Variants in ACTR3 observed in about 807,000 individuals in gnomAD.
ACTR3 encodes actin related protein 3.
Under a neutral mutation model 56.8 loss-of-function variants are expected in ACTR3, and 12 were observed. The ratio of observed to expected loss-of-function variants is 0.21; its 90% CI spans 0.14 to 0.34. The LOEUF (loss-of-function observed/expected upper bound fraction) is 0.34, where lower values mean the gene tolerates loss of function less well. Ranked by LOEUF, ACTR3 falls within the 10% of genes least tolerant of loss-of-function variation. ACTR3 has a pLI of 1.00. For synonymous variants in ACTR3, 162 were observed against 167.4 expected (o/e 0.97, Z 0.25); for missense variants, 282 against 512.5 (o/e 0.55, Z 4.34).
chr2:113,916,003 A>G (rs1679398566), intron 2 of ACTR3, among the ~76,000 whole-genome samples: 1 of 152,158 alleles, frequency 6.6e-6, no homozygotes, highest in South Asian at 2.1e-4. Context: ...TATTTTTAGG[A>G]AATTTATAGT....
At chr2:113,950,625 A>T (rs989690944) in intron 8 of ACTR3, among the ~76,000 whole-genome samples, 3 of 152,214 alleles carry the variant, frequency 2.0e-5, no homozygotes, top group African/African-American at 7.2e-5. Context: ...TCCCCTATTG[A>T]TGGACTTAAC....
chr2:113,956,697 G>A lies in ACTR3; in HGVS notation c.1162-663G>A, dbSNP rs573401595. The stretch of plus-strand genomic sequence containing the variant: ...TAGGAAGTATTGGTGCTTTGTTCTG[G>A]TAGTGCATGCAATATTAAAATGAAG... On this transcript the variant is annotated intron_variant, in intron 11 of 11. Coordinates refer to ENST00000263238, the MANE Select transcript of ACTR3 (RefSeq NM_005721.5). Among the ~76,000 whole-genome samples, 2 of 152,230 alleles carry A rather than the reference G, an allele frequency of 1.3e-5. 1 individual carries two copies. Among genetic ancestry groups the A allele is most frequent in the South Asian group, 4.1e-4 (2 of 4,822 alleles).
At chr2:113,955,510 C>A in intron 10 of ACTR3, 113 bp from the exon 11 acceptor site, 3 of 738,122 alleles carry the variant, frequency 4.1e-6, no homozygotes, top group Non-Finnish European at 4.4e-6. Flanking sequence ...TTGTAAGATA[C>A]CACCTGAATT....
intron 1 of ACTR3, among the ~76,000 whole-genome samples, chr2:113,900,206 A>G (rs1679074615): frequency 6.6e-6 from 1 of 151,932 alleles, no homozygotes; most frequent in Admixed American, 6.6e-5. Flanking sequence ...TAATGCCTGG[A>G]TGCCACTTAT....
At chr2:113,895,045 T>C (rs1363879916) in intron 1 of ACTR3, among the ~76,000 whole-genome samples, 2 of 150,508 alleles carry the variant, frequency 1.3e-5, no homozygotes, top group Non-Finnish European at 2.9e-5. Context: ...GTGTAATCTT[T>C]ACTTGGTTTA....
chr2:113,894,550 T>G (rs1268635010), intron 1 of ACTR3, among the ~76,000 whole-genome samples: 1 of 152,216 alleles, frequency 6.6e-6, no homozygotes, highest in Non-Finnish European at 1.5e-5. Flanking sequence ...GAAGTCAGAC[T>G]CTTACTTAGA....
chr2:113,895,467 T>G (rs1361746699), intron 1 of ACTR3, among the ~76,000 whole-genome samples: 1 of 151,572 alleles, frequency 6.6e-6, no homozygotes, highest in African/African-American at 2.4e-5. Flanking sequence ...GGAGTATGGT[T>G]TTTAAAAAAA....
In ACTR3 at chr2:113,913,076, G is replaced by A. The variant is rs1429206895; in HGVS notation, c.45-96G>A. Reference sequence around the variant, plus strand: ...GGAATTTGGTATATTATTTACCTACGATGGAATCTCACTTCATAACAAATG... The same window carrying A: ...GGAATTTGGTATATTATTTACCTACAATGGAATCTCACTTCATAACAAATG... On this transcript the variant is annotated intron_variant, in intron 1 of 11. Coordinates refer to ENST00000263238, the MANE Select transcript of ACTR3 (RefSeq NM_005721.5). The A allele has an allele frequency of 6.5e-6, 5 of 773,776 alleles. 1 individual carries two copies. The highest frequency in any genetic ancestry group is 3.6e-5 in the South Asian group (2 of 55,118). The allele number at this position is 773,776 out of a possible 1,614,324, so 47.9% of individuals were successfully genotyped here. A position where few individuals can be genotyped will look rare whatever the true frequency, so the allele number is the denominator to read the frequency against.
intron 7 of ACTR3, 32 bp from the exon 8 acceptor site, chr2:113,942,154 A>C (rs753138108): frequency 3.9e-6 from 6 of 1,534,226 alleles, no homozygotes; most frequent in Non-Finnish European, 5.2e-6. Flanking sequence ...ATAATAAGCA[A>C]AAAAAGTTAC....
chr2:113,896,936 T>C (rs974131435), intron 1 of ACTR3, among the ~76,000 whole-genome samples: 3 of 152,182 alleles, frequency 2.0e-5, no homozygotes, highest in African/African-American at 7.2e-5. Context: ...AGCTAAAGGA[T>C]TGGACTAGGA....
At position 113,957,609 on chromosome 2, in the gene ACTR3, C is replaced by G; in HGVS notation, c.*154C>G. ...TACAGGAATATTTTAATAAGTGTAT[C>G]ACCATGCAGATGTAGAAGAGAGCGA... On this transcript the variant is annotated 3_prime_UTR_variant, in exon 12 of 12. Transcript: ENST00000263238. 6 of 558,334 alleles carry G rather than the reference C, an allele frequency of 1.1e-5. No homozygotes were observed. The allele number at this position is 558,334 out of a possible 1,614,324, so 34.6% of individuals were successfully genotyped here.
At chr2:113,926,702 A>G (rs1303296275) in intron 3 of ACTR3, among the ~76,000 whole-genome samples, 1 of 152,240 alleles carries the variant, frequency 6.6e-6, no homozygotes, top group Non-Finnish European at 1.5e-5. Flanking sequence ...AATTCCTCTA[A>G]TGACCTGATG....
At chr2:113,913,271 C>G (rs376502526) in intron 2 of ACTR3, 44 bp downstream of exon 2, 1 of 1,335,146 alleles carries the variant, frequency 7.5e-7, no homozygotes, top group Non-Finnish European at 1.0e-6. Flanking sequence ...TTTAAAAGAT[C>G]CCCTTCCCTA....
At chr2:113,943,439 G>A (rs1334549558) in intron 8 of ACTR3, among the ~76,000 whole-genome samples, 2 of 152,158 alleles carry the variant, frequency 1.3e-5, no homozygotes, top group African/African-American at 4.8e-5. Context: ...GCTAGATTCT[G>A]TAGTCATGCA....
intron 1 of ACTR3, among the ~76,000 whole-genome samples, chr2:113,900,255 A>G (rs923425038): frequency 6.6e-6 from 1 of 152,094 alleles, no homozygotes; most frequent in African/African-American, 2.4e-5. Context: ...CATGACCCCA[A>G]AAAACCCTAC....
At chr2:113,949,104 G>A (rs904430288) in intron 8 of ACTR3, among the ~76,000 whole-genome samples, 17 of 151,422 alleles carry the variant, frequency 1.1e-4, no homozygotes, top group African/African-American at 3.9e-4. Context: ...AAGGCAGGGC[G>A]TGGTGGCTCA....
chr2:113,914,237 T>G (rs1421484932), intron 2 of ACTR3, among the ~76,000 whole-genome samples: 1 of 152,216 alleles, frequency 6.6e-6, no homozygotes, highest in Admixed American at 6.5e-5. Flanking sequence ...TTAGTATCAC[T>G]TGAGCACTCA....
chr2:113,919,874 G>A (rs74621494), intron 3 of ACTR3, among the ~76,000 whole-genome samples: 11,770 of 152,244 alleles, frequency 0.077, 503 homozygotes, highest in East Asian at 0.18. Flanking sequence ...TCAGTCTCCT[G>A]AGTAGCTGGA....
In ACTR3 at chr2:113,940,037, C is replaced by G; in HGVS notation, c.619C>G (p.Leu207Val). 1.2e-6 allele frequency: 2 copies of G among 1,612,888 alleles called. No individual in the cohort carries two copies. The highest frequency in any genetic ancestry group is 1.7e-6 in the Non-Finnish European group (2 of 1,179,198). Residue 207 changes from leucine to valine, a missense_variant, in exon 7 of 12, where the codon CTG becomes GTG. Coordinates refer to ENST00000263238, the MANE Select transcript of ACTR3 (RefSeq NM_005721.5). ...AGATATAACATATTTTATTCAGCAACTGCTGAGAGACCGAGAAGTAGGAAT... is the reference window on the plus strand; with the variant it reads ...AGATATAACATATTTTATTCAGCAAGTGCTGAGAGACCGAGAAGTAGGAAT... ...GRDITYFIQQLLRDREVGIPP... is the reference protein window; with the variant it reads ...GRDITYFIQQVLRDREVGIPP...
Sources: gnomAD v4.1 joint callset for allele counts (sites outside exome capture counted in the v4.1 genomes callset) on GRCh38, gnomAD v4.1.1 for gene constraint, MANE v1.5 for transcripts, NCBI Gene and HGNC (gene_info 2026-07-23, HGNC 2026-07-21) for gene names.